SNX29: variants seen among roughly 807,000 people sequenced by gnomAD.
The protein encoded by SNX29 is sorting nexin-29.
SNX29 carries 78 observed loss-of-function variants against 102.1 expected under a neutral mutation model. The observed-to-expected ratio is 0.76, with a 90% CI of 0.64 to 0.92. The LOEUF (loss-of-function observed/expected upper bound fraction) is 0.92. Ranked by LOEUF, SNX29 falls within the 40% of genes least tolerant of loss-of-function variation. The pLI is 0.00. For synonymous variants in SNX29, 580 were observed against 414.5 expected, an observed-to-expected ratio of 1.40 and a Z score of -4.85; for missense variants, 1,280 against 1,061.7, an observed-to-expected ratio of 1.21 and a Z score of -2.86.
intron 19 of SNX29, among the ~76,000 whole-genome samples, chr16:12,521,368 A>C (rs1312719847): frequency 6.6e-6 from 1 of 151,686 alleles, no homozygotes; most frequent in Non-Finnish European, 1.5e-5. Flanking sequence ...AGCACTTGGG[A>C]GGGACTTGGG....
intron 11 of SNX29, among the ~76,000 whole-genome samples, chr16:12,102,966 A>G (rs769715338): frequency 9.2e-5 from 14 of 152,196 alleles, no homozygotes; most frequent in Non-Finnish European, 1.2e-4. Context: ...GCTACAAAGA[A>G]AATAACATAC....
At chr16:12,210,432 A>G (rs777185993) in intron 14 of SNX29, among the ~76,000 whole-genome samples, 1 of 148,432 alleles carries the variant, frequency 6.7e-6, no homozygotes, top group Non-Finnish European at 1.5e-5. Context: ...GGCTCAAGCA[A>G]TCCCTCCTGC....
intron 14 of SNX29, among the ~76,000 whole-genome samples, chr16:12,245,987 G>A (rs1567352749): frequency 6.6e-6 from 1 of 152,178 alleles, no homozygotes; most frequent in African/African-American, 2.4e-5. Flanking sequence ...TAATGAGTAG[G>A]TTTTTGAACA....
intron 1 of SNX29, among the ~76,000 whole-genome samples, chr16:11,981,409 T>C (rs2055410931): frequency 6.6e-6 from 1 of 152,130 alleles, no homozygotes; most frequent in South Asian, 2.1e-4. Flanking sequence ...TGGGCTCTTT[T>C]CACTTTCTTG....
chr16:12,359,513 A>G (rs1396094513), intron 16 of SNX29, among the ~76,000 whole-genome samples: 2 of 152,050 alleles, frequency 1.3e-5, no homozygotes, highest in African/African-American at 4.8e-5. Context: ...CTGTTTTTAT[A>G]TCTCCTTTTC....
At chr16:12,123,370 A>G (rs537482679) in intron 11 of SNX29, among the ~76,000 whole-genome samples, 5 of 152,300 alleles carry the variant, frequency 3.3e-5, no homozygotes, top group African/African-American at 4.8e-5. Context: ...CGTTGCTGTC[A>G]TGAGATCTGC....
At chr16:12,458,742 C>T (rs7197264) in intron 18 of SNX29, among the ~76,000 whole-genome samples, 3,629 of 152,178 alleles carry the variant, frequency 0.024, 104 homozygotes, top group African/African-American at 0.065. Context: ...TGGAGTGTGT[C>T]GCAATCCACT....
rs1226966065 is a variant in SNX29 at position 12,307,292 on chromosome 16, G to T, written c.1782+29256G>T. Among the ~76,000 whole-genome samples, 3 of 152,314 alleles carry T rather than the reference G, an allele frequency of 2.0e-5. No homozygotes were observed. In the South Asian group the frequency reaches 6.2e-4, roughly 32 times the overall value. On this transcript the variant is annotated intron_variant, in intron 15 of 20. Coordinates refer to ENST00000566228, the MANE Select transcript of SNX29 (RefSeq NM_032167.5). ...ATCACGAGGATGAATGGTTTTACAT[G>T]CAGGTGCCTGGCCGAGGGAGGTTGT...
intron 19 of SNX29, among the ~76,000 whole-genome samples, chr16:12,478,873 A>T (rs1377017143): frequency 6.6e-6 from 1 of 152,134 alleles, no homozygotes; most frequent in Non-Finnish European, 1.5e-5. Context: ...TCTGCGACCA[A>T]ACTGGAGAAT....
chr16:12,553,184 A>G (rs540811724), intron 20 of SNX29, among the ~76,000 whole-genome samples: 6 of 152,272 alleles, frequency 3.9e-5, no homozygotes, highest in South Asian at 4.1e-4. Context: ...TTAAGTCAGT[A>G]TACAGCTGCA....
rs753518900 is a variant in SNX29, at chr16:12,549,038, G to A, written c.2319-19468G>A. On this transcript the variant is annotated intron_variant, in intron 20 of 20. Transcript: ENST00000566228. ...CATAAAAAGCTTGTGGAGTATCTTA[G>A]GTGAGTCCACTCTTGCAGCTGGGCA... 3.3e-5 allele frequency among the ~76,000 whole-genome samples: 5 copies of A among 152,238 alleles called. 1 individual carries two copies. The East Asian group carries it at 7.7e-4, about 23-fold the overall frequency.
intron 14 of SNX29, among the ~76,000 whole-genome samples, chr16:12,208,367 T>C (rs2077098556): frequency 6.6e-6 from 1 of 152,038 alleles, no homozygotes. Context: ...TTCTCACTCA[T>C]TTGTGTGGCT....
In SNX29 at chr16:12,098,579, C is replaced by T. The variant is rs574267524; in HGVS notation, c.1402+19664C>T. 6.6e-6 allele frequency among the ~76,000 whole-genome samples: 1 copy of T among 152,240 alleles called. No homozygotes were observed. Among genetic ancestry groups the T allele is most frequent in the East Asian group, 1.9e-4 (1 of 5,178 alleles). ...CAGACGATTCAGTTTCATGCGCGCCCGATTCAGTTTCATGCTCTTCCGTCT... is the reference window on the plus strand; with the variant it reads ...CAGACGATTCAGTTTCATGCGCGCCTGATTCAGTTTCATGCTCTTCCGTCT... On this transcript the variant is annotated intron_variant, in intron 11 of 20. Coordinates refer to ENST00000566228, the MANE Select transcript of SNX29 (RefSeq NM_032167.5). This position sits in a 1 kb window ranked among gnomAD's most constrained non-coding sequence, Gnocchi z 6.0.
intron 18 of SNX29, among the ~76,000 whole-genome samples, chr16:12,428,199 G>C (rs1478625797): frequency 3.3e-5 from 5 of 152,076 alleles, no homozygotes; most frequent in African/African-American, 1.2e-4. Flanking sequence ...CCCTAAACAA[G>C]TAATCAAAAC....
rs1171163489 is a variant in SNX29, at chr16:12,569,326, A to G, written c.*697A>G. 2 of 229,762 alleles carry G rather than the reference A, an allele frequency of 8.7e-6. No homozygotes were observed. Among genetic ancestry groups the G allele is most frequent in the South Asian group, 3.6e-4 (2 of 5,486 alleles). 14.2% of individuals were successfully genotyped at this position (229,762 alleles called of 1,614,324 possible). A position where few individuals can be genotyped will look rare whatever the true frequency, so the allele number is the denominator to read the frequency against. On this transcript the variant is annotated 3_prime_UTR_variant, in exon 21 of 21. Coordinates refer to ENST00000566228, the MANE Select transcript of SNX29 (RefSeq NM_032167.5). ...GCTTCAGGAAGGACCAGTGCCCTCC[A>G]TAGCCTGAGGCCACCTAGGCCCTCG...
At chr16:12,139,980 C>A (rs1703517) in intron 13 of SNX29, among the ~76,000 whole-genome samples, 33,868 of 88,474 alleles carry the variant, frequency 0.38, 6,857 homozygotes, top group East Asian at 0.51. Context: ...TACCCTGTCT[C>A]AAAAAAAAAA....
chr16:12,541,161 C>T (rs998478426), intron 20 of SNX29, among the ~76,000 whole-genome samples: 3 of 152,162 alleles, frequency 2.0e-5, no homozygotes, highest in African/African-American at 7.2e-5. Flanking sequence ...CATACCCAGA[C>T]CTGGAACCTC....
chr16:12,161,952 A>T (rs1013811634), intron 13 of SNX29, among the ~76,000 whole-genome samples: 1 of 152,178 alleles, frequency 6.6e-6, no homozygotes, highest in Admixed American at 6.5e-5. Flanking sequence ...CTGATGAGCA[A>T]TGCAAAATGG....
chr16:12,245,364 T>G (rs78524272), intron 14 of SNX29, among the ~76,000 whole-genome samples: 23,680 of 151,840 alleles, frequency 0.16, 2,666 homozygotes, highest in East Asian at 0.5. Flanking sequence ...CGGTGACAGG[T>G]TATGTAAAGC....
Sources: gnomAD v4.1 joint callset for allele counts (sites outside exome capture counted in the v4.1 genomes callset) on GRCh38, gnomAD v4.1.1 for gene constraint, Gnocchi (gnomAD v3.1) non-coding constraint, MANE v1.5 for transcripts, NCBI Gene and HGNC (gene_info 2026-07-23, HGNC 2026-07-21) for gene names.